The following NLRP1 variants were observed in gnomAD, a reference collection of about 807,000 sequenced individuals.
The protein encoded by NLRP1 is NLR family pyrin domain containing 1, also known as NACHT, LRR and PYD domains-containing protein 1.
NLRP1 carries 94 observed loss-of-function variants against 136.7 expected under a neutral mutation model. The ratio of observed to expected loss-of-function variants is 0.69; its 90% confidence interval spans 0.58 to 0.82. The LOEUF (loss-of-function observed/expected upper bound fraction) is 0.82. Ranked by LOEUF, NLRP1 falls within the 40% of genes least tolerant of loss-of-function variation. The pLI, the probability that NLRP1 is intolerant of heterozygous loss-of-function variation, is 0.00. For synonymous variants in NLRP1, 690 were observed against 725.1 expected (o/e 0.95, Z 0.78); for missense variants, 1,575 against 1,802.7 (o/e 0.87, Z 2.29).
At chr17:5,523,659 T>C (rs1909181105) in intron 12 of NLRP1, among the ~76,000 whole-genome samples, 1 of 152,204 alleles carries the variant, frequency 6.6e-6, no homozygotes, top group Admixed American at 6.5e-5. Context: ...GGAGAGACAC[T>C]GGCCTAGGGA....
chr17:5,580,942 A>G (rs1210111325), intron 3 of NLRP1, among the ~76,000 whole-genome samples: 1 of 152,046 alleles, frequency 6.6e-6, no homozygotes, highest in Non-Finnish European at 1.5e-5. Flanking sequence ...GAGTTTATTT[A>G]TTTTTTATTT....
chr17:5,569,729 A>C (rs1282653355), intron 3 of NLRP1, among the ~76,000 whole-genome samples: 1 of 151,856 alleles, frequency 6.6e-6, no homozygotes, highest in African/African-American at 2.4e-5. Flanking sequence ...AATACTAACA[A>C]AGATATTTGG....
chr17:5,515,139 C>T, intron 16 of NLRP1, 66 bp from the exon 17 acceptor site: 1 of 1,406,852 alleles, frequency 7.1e-7, no homozygotes, highest in Non-Finnish European at 9.9e-7. Context: ...TCAGTGCTTT[C>T]CTCTCTCATC....
rs767752512 is a variant in NLRP1, at chr17:5,559,162, CTT to C, written c.1532_1533del (p.Lys511ArgfsTer66). 3 of 1,614,092 alleles carry C rather than the reference CTT, an allele frequency of 1.9e-6. No individual in the cohort carries two copies. Among genetic ancestry groups the C allele is most frequent in the African/African-American group, 2.7e-5 (2 of 74,932 alleles). ...IRAFRLVKSN[K>X]ELWALCLVPW... ...GGCACAAGACACAGGGCCCAGAGCT[CTT>C]TGTTTGATTTGACCAACCTAAAGGC... On this transcript the variant is annotated frameshift_variant, in exon 4 of 17. Coordinates refer to ENST00000572272, the MANE Select transcript of NLRP1 (RefSeq NM_033004.4). LOFTEE classifies it high-confidence loss of function.
chr17:5,529,063 T>A (rs2151752290), intron 12 of NLRP1, among the ~76,000 whole-genome samples: 1 of 152,358 alleles, frequency 6.6e-6, no homozygotes, highest in Middle Eastern at 3.4e-3. Flanking sequence ...GCACAGTGGC[T>A]CACACCTATA....
chr17:5,508,744 T>G (rs887492244), intron 15 of NLRP1, among the ~76,000 whole-genome samples: 1 of 151,938 alleles, frequency 6.6e-6, no homozygotes, highest in African/African-American at 2.4e-5. Flanking sequence ...TAAATCAAAG[T>G]CAAAAAAACA....
At chr17:5,507,763 G>A (rs969466243) in intron 15 of NLRP1, among the ~76,000 whole-genome samples, 3 of 152,082 alleles carry the variant, frequency 2.0e-5, no homozygotes, top group Admixed American at 6.5e-5. Context: ...CTCGGGAGGC[G>A]GGGGTTGTAG....
intron 6 of NLRP1, 63 bp from the exon 7 acceptor site, chr17:5,539,648 A>T: frequency 6.9e-7 from 1 of 1,459,732 alleles, no homozygotes; most frequent in Non-Finnish European, 9.0e-7. Flanking sequence ...CAGGGTAACT[A>T]GGGTCTGATC....
rs1012070953 is a variant in NLRP1 at position 5,537,475 on chromosome 17, G to A, written c.2871-535C>T. Among the ~76,000 whole-genome samples the A allele has an allele frequency of 5.9e-5, 9 of 152,170 alleles. No homozygotes were observed. The highest frequency in any genetic ancestry group is 2.2e-4 in the African/African-American group (9 of 41,432). ...AGAGAGTCCTGGTTCCATCCTCCCA[G>A]GCCTTGTGGTCTGGGGTTTCTGCCA... On this transcript the variant is annotated intron_variant, in intron 7 of 16. Coordinates refer to ENST00000572272, the MANE Select transcript of NLRP1 (RefSeq NM_033004.4). The surrounding 1 kb of genome is among the most constrained non-coding windows in gnomAD (Gnocchi z 4.5).
chr17:5,578,503 T>G (rs1463493615), intron 3 of NLRP1, among the ~76,000 whole-genome samples: 3 of 152,150 alleles, frequency 2.0e-5, no homozygotes, highest in Non-Finnish European at 4.4e-5. Flanking sequence ...AACAGACATA[T>G]GAAAAAATGC....
chr17:5,507,695 G>A (rs1030009813), intron 15 of NLRP1, among the ~76,000 whole-genome samples: 9 of 152,336 alleles, frequency 5.9e-5, no homozygotes, highest in African/African-American at 9.6e-5. Context: ...ATGGTGGCAC[G>A]TGCCTGTAGT....
In NLRP1 at chr17:5,559,623, C is replaced by A; in HGVS notation, c.1073G>T (p.Gly358Val). ...KEAWGRGQLY[G>V]DRFQHVFYFS... ...GTAGAAGACATGCTGGAAGCGGTCC[C>A]CATACAGCTGGCCTCTCCCCCAGGC... Residue 358 changes from glycine to valine, a missense_variant, in exon 4 of 17, where the codon GGG becomes GTG. Coordinates refer to ENST00000572272, the MANE Select transcript of NLRP1 (RefSeq NM_033004.4). 1 of 1,614,226 alleles carries A rather than the reference C, an allele frequency of 6.2e-7. No homozygotes were observed. Among genetic ancestry groups the A allele is most frequent in the Non-Finnish European group, 8.5e-7 (1 of 1,180,032 alleles).
rs75777489 is a variant in NLRP1 at position 5,528,254 on chromosome 17, G to T, written c.3520+2227C>A. Among the ~76,000 whole-genome samples, 1,564 of 152,300 alleles carry T rather than the reference G, an allele frequency of 0.01. 122 individuals carry two copies. In the South Asian group the frequency reaches 0.16, roughly 16 times the overall value. The stretch of plus-strand genomic sequence containing the variant: ...TTGTGGAAGAGGCAGGCTGGTTGTG[G>T]TAGTGGCTGTGTTCATTACTCTATA... On this transcript the variant is annotated intron_variant, in intron 12 of 16. Coordinates refer to ENST00000572272, the MANE Select transcript of NLRP1 (RefSeq NM_033004.4).
At chr17:5,508,656 A>G (rs1465666163) in intron 15 of NLRP1, among the ~76,000 whole-genome samples, 4 of 152,220 alleles carry the variant, frequency 2.6e-5, no homozygotes, top group Non-Finnish European at 4.4e-5. Context: ...AGTAAATGAT[A>G]TATCTACTGC....
Position 5,558,766 on chromosome 17 carries a change from C to A in NLRP1, c.1930G>T (p.Gly644Cys), listed in dbSNP as rs750702976. The change falls in exon 4 of 17, where the codon GGT (glycine) becomes TGT (cysteine). Residue 644 changes from glycine (G) to cysteine (C), a missense_variant. Transcript: ENST00000572272. ...TCTATGATGCAATTAGAATGTTTAC[C>A]TCTCCCCTTCTCATCCTCCAAGACA... Reference protein sequence around the residue: ...SYVLEDEKGRGKHSNCIIDLE... With the variant: ...SYVLEDEKGRCKHSNCIIDLE... 3.7e-5 allele frequency: 59 copies of A among 1,614,014 alleles called. No individual in the cohort carries two copies. The highest frequency in any genetic ancestry group is 4.9e-5 in the Non-Finnish European group (58 of 1,180,008).
chr17:5,534,831 C>T (rs1910818368), intron 8 of NLRP1, among the ~76,000 whole-genome samples: 2 of 151,808 alleles, frequency 1.3e-5, no homozygotes, highest in Admixed American at 1.3e-4. Flanking sequence ...CCTCTGTCAC[C>T]CTCCAATGTC....
At chr17:5,530,812 C>A in intron 11 of NLRP1, 108 bp from the exon 12 acceptor site, 1 of 784,820 alleles carries the variant, frequency 1.3e-6, no homozygotes, top group South Asian at 1.6e-5. Context: ...TGGCTTCAAG[C>A]CCAGACTTCG....
intron 5 of NLRP1, among the ~76,000 whole-genome samples, chr17:5,550,260 G>A (rs532370637): frequency 6.6e-6 from 1 of 152,230 alleles, no homozygotes; most frequent in African/African-American, 2.4e-5. Flanking sequence ...GGAAGAGTTT[G>A]AAAATATAAG....
At chr17:5,574,660 C>CTTTTT (rs1169415443) in intron 3 of NLRP1, among the ~76,000 whole-genome samples, 1 of 134,428 alleles carries the variant, frequency 7.4e-6, no homozygotes, top group Non-Finnish European at 1.6e-5. Context: ...ATTCAACATT[C>CTTTTT]TTTTTTTTTT....
Sources: gnomAD v4.1 joint callset for allele counts (sites outside exome capture counted in the v4.1 genomes callset) on GRCh38, gnomAD v4.1.1 for gene constraint, Gnocchi (gnomAD v3.1) non-coding constraint, MANE v1.5 for transcripts, NCBI Gene and HGNC (gene_info 2026-07-23, HGNC 2026-07-21) for gene names.